The following DACH1 variants were observed in gnomAD, a reference collection of about 807,000 sequenced individuals.
DACH1 encodes dachshund homolog 1.
A neutral mutation model predicts 54.2 loss-of-function variants in DACH1; 12 were observed. The observed-to-expected ratio is 0.22, with a 90% CI of 0.14 to 0.36. DACH1 has a LOEUF of 0.36. DACH1 is among the 10% of genes least tolerant of loss of function. The pLI, the probability that DACH1 is intolerant of heterozygous loss-of-function variation, is 1.00. For missense variants in DACH1, 805 were observed against 929.8 expected (o/e 0.87, Z 1.75); for synonymous variants, 386 against 366.2 (o/e 1.05, Z -0.62).
At chr13:71,508,937 T>C (rs1880541807) in intron 6 of DACH1, among the ~76,000 whole-genome samples, 1 of 152,184 alleles carries the variant, frequency 6.6e-6, no homozygotes, top group African/African-American at 2.4e-5. Flanking sequence ...ATTCTAAGAA[T>C]AGCTTTGATT....
At chr13:71,551,941 A>G (rs373082884) in intron 6 of DACH1, among the ~76,000 whole-genome samples, 6 of 152,024 alleles carry the variant, frequency 3.9e-5, no homozygotes, top group African/African-American at 1.4e-4. Flanking sequence ...AATCTTGAGC[A>G]TTCCCCACCA....
intron 2 of DACH1, among the ~76,000 whole-genome samples, chr13:71,676,928 T>C (rs1361889439): frequency 6.6e-6 from 1 of 152,192 alleles, no homozygotes; most frequent in Non-Finnish European, 1.5e-5. Context: ...AAACTACAAA[T>C]CATTCATTCA....
At chr13:71,592,399 GTGGGAGGATCATT>G (rs567609224) in intron 3 of DACH1, among the ~76,000 whole-genome samples, 42 of 150,428 alleles carry the variant, frequency 2.8e-4, no homozygotes, top group Non-Finnish European at 5.0e-4. Flanking sequence ...AGGTATTGAG[GTGGGAGGATCATT>G]TGAGCCCAGG....
Position 71,472,177 on chromosome 13 carries a change from T to C in DACH1, c.2083+2964A>G, listed in dbSNP as rs182198556. Among the ~76,000 whole-genome samples the C allele has an allele frequency of 2.0e-5, 3 of 152,342 alleles. No individual in the cohort carries two copies. The East Asian group carries it at 5.8e-4, about 29-fold the overall frequency. On this transcript the variant is annotated intron_variant, in intron 10 of 10. Transcript: ENST00000613252. ...GTCTGTTCTGTACTTATAGCATTTT[T>C]ACAATTCATGAATTCCTAGTTATTT... is the stretch of plus-strand genomic sequence containing the variant.
In DACH1 at chr13:71,559,951, C is replaced by G; in HGVS notation, c.1304G>C (p.Arg435Pro). The change falls in exon 5 of 11, where the codon CGT (arginine) becomes CCT (proline). Residue 435 changes from arginine to proline, a missense_variant. Coordinates refer to ENST00000613252, the MANE Select transcript of DACH1 (RefSeq NM_080759.6). ...GGCAGGTGAGGGGCTATCAGGAACA[C>G]GCTCCTGCACCAGCAAGAGAGGGAA... is the stretch of plus-strand genomic sequence containing the variant. ...SRVETSVIKERVPDSPSPAPS... is the reference protein window; with the variant it reads ...SRVETSVIKEPVPDSPSPAPS... 1 of 1,546,098 alleles carries G rather than the reference C, an allele frequency of 6.5e-7. No individual in the cohort carries two copies. The highest frequency in any genetic ancestry group is 1.4e-5 in the African/African-American group (1 of 72,098).
chr13:71,523,442 T>C (rs1881741093), intron 6 of DACH1, among the ~76,000 whole-genome samples: 1 of 152,048 alleles, frequency 6.6e-6, no homozygotes, highest in Non-Finnish European at 1.5e-5. Flanking sequence ...TAAAAGACAA[T>C]GAAGAAATCT....
At position 71,652,492 on chromosome 13, in the gene DACH1, T is replaced by C. The variant is rs117681302; in HGVS notation, c.965-21775A>G. 4.6e-5 allele frequency among the ~76,000 whole-genome samples: 7 copies of C among 152,182 alleles called. No individual in the cohort carries two copies. The East Asian group carries it at 1.4e-3, about 29-fold the overall frequency. On this transcript the variant is annotated intron_variant, in intron 2 of 10. Coordinates refer to ENST00000613252, the MANE Select transcript of DACH1 (RefSeq NM_080759.6). ...TCACTGCACTCATTCCACTTTCTAT[T>C]CTATTTAAAACTCCGAAGAACTATC...
At chr13:71,459,422 G>T (rs1445530888) in intron 10 of DACH1, among the ~76,000 whole-genome samples, 1 of 151,896 alleles carries the variant, frequency 6.6e-6, no homozygotes, top group Non-Finnish European at 1.5e-5. Flanking sequence ...GAAAATGGAT[G>T]AAAATTATTT....
intron 10 of DACH1, chr13:71,464,543 T>G (rs1876385499): frequency 2.4e-6 from 1 of 414,554 alleles, no homozygotes; most frequent in African/African-American, 2.1e-5. Flanking sequence ...ACAAAGAGAT[T>G]TTTTGGCTTC....
intron 6 of DACH1, among the ~76,000 whole-genome samples, chr13:71,539,452 G>T (rs890415261): frequency 1.3e-5 from 2 of 151,968 alleles, no homozygotes; most frequent in African/African-American, 4.8e-5. Context: ...TTAACTGTTT[G>T]ATTATCAACC....
At chr13:71,702,850 T>G (rs1018469986) in intron 1 of DACH1, among the ~76,000 whole-genome samples, 1 of 152,138 alleles carries the variant, frequency 6.6e-6, no homozygotes, top group African/African-American at 2.4e-5. Flanking sequence ...GAAAAAATTA[T>G]TAGACCATAA....
chr13:71,447,329 C>T (rs919627189), intron 10 of DACH1, among the ~76,000 whole-genome samples: 13 of 151,586 alleles, frequency 8.6e-5, no homozygotes, highest in Admixed American at 5.2e-4. Flanking sequence ...AGGAGACAGA[C>T]AGGAGAATTC....
chr13:71,821,204 C>T (rs1446993440), intron 1 of DACH1, among the ~76,000 whole-genome samples: 1 of 152,146 alleles, frequency 6.6e-6, no homozygotes, highest in Non-Finnish European at 1.5e-5. Context: ...TTACATGGTG[C>T]TTAGTTCCTT....
At chr13:71,678,650 C>G (rs1260107329) in intron 2 of DACH1, among the ~76,000 whole-genome samples, 2 of 146,362 alleles carry the variant, frequency 1.4e-5, no homozygotes, top group Non-Finnish European at 3.0e-5. Flanking sequence ...CTTTCTCTCT[C>G]TTTCCTTCTT....
chr13:71,687,322 G>A (rs1881222827), intron 1 of DACH1, among the ~76,000 whole-genome samples: 1 of 152,024 alleles, frequency 6.6e-6, no homozygotes, highest in Non-Finnish European at 1.5e-5. Context: ...TGAACATTAT[G>A]GAATCATGAA....
At chr13:71,478,851 T>C (rs376236039) in intron 8 of DACH1, among the ~76,000 whole-genome samples, 2 of 152,322 alleles carry the variant, frequency 1.3e-5, no homozygotes, top group Admixed American at 6.5e-5. Flanking sequence ...TGAATTAACA[T>C]AAAATTTTTC....
intron 1 of DACH1, among the ~76,000 whole-genome samples, chr13:71,737,217 C>A (rs142349967): frequency 1.1e-4 from 16 of 151,524 alleles, no homozygotes; most frequent in Non-Finnish European, 2.9e-5. Flanking sequence ...AACAAGACTC[C>A]GTCTCAAAAA....
intron 10 of DACH1, among the ~76,000 whole-genome samples, chr13:71,460,063 C>G (rs1186363963): frequency 6.6e-6 from 1 of 151,920 alleles, no homozygotes; most frequent in East Asian, 1.9e-4. Flanking sequence ...AATTTTCTCA[C>G]AAAGAAAAGA....
rs188369579 is a variant in DACH1 at position 71,450,384 on chromosome 13, G to T, written c.2084-9692C>A. Reference sequence around the variant, plus strand: ...TGTTACTATTGTAACTGTTTTGGGGGTTCCACGAACTATGCCCATATAAGA... The same window carrying T: ...TGTTACTATTGTAACTGTTTTGGGGTTTCCACGAACTATGCCCATATAAGA... On this transcript the variant is annotated intron_variant, in intron 10 of 10. Coordinates refer to ENST00000613252, the MANE Select transcript of DACH1 (RefSeq NM_080759.6). Among the ~76,000 whole-genome samples the T allele has an allele frequency of 3.9e-3, 589 of 152,058 alleles. 1 individual carries two copies. The highest frequency in any genetic ancestry group is 6.6e-3 in the Non-Finnish European group (451 of 67,988).
Sources: allele counts gnomAD v4.1 joint callset (sites outside exome capture counted in the v4.1 genomes callset), GRCh38; gene constraint gnomAD v4.1.1; transcripts MANE v1.5; gene names NCBI Gene and HGNC (gene_info 2026-07-23, HGNC 2026-07-21).